The following SCRN3 variants were observed in gnomAD, a reference collection of about 807,000 sequenced individuals.
SCRN3 encodes secernin-3.
SCRN3 carries 39 observed loss-of-function variants against 43.1 expected under a neutral mutation model. The observed-to-expected ratio is 0.91, with a 90% CI of 0.70 to 1.18. The LOEUF is 1.18. SCRN3 is among the 50% of genes most tolerant of loss of function. The pLI is 0.00. For synonymous variants in SCRN3, 147 were observed against 163.1 expected, an observed-to-expected ratio of 0.90 and a Z score of 0.75; for missense variants, 484 against 498.0, an observed-to-expected ratio of 0.97 and a Z score of 0.27.
Position 174,404,613 on chromosome 2 carries a change from C to G in SCRN3, c.754+298C>G, listed in dbSNP as rs1354394478. Among the ~76,000 whole-genome samples, 602 of 109,618 alleles carry G rather than the reference C, an allele frequency of 5.5e-3. 2 individuals are homozygous for G. Among genetic ancestry groups the G allele is most frequent in the Non-Finnish European group, 7.9e-3 (429 of 54,202 alleles). 71.9% of individuals were successfully genotyped at this position (109,618 alleles called of 152,430 possible). On this transcript the variant is annotated intron_variant, in intron 5 of 7. Transcript: ENST00000272732. ...CAATGCTATCCCTCCCCCCTCCCCC[C>G]ACCCCACCACAGTCCCCAGAGTGTG...
chr2:174,428,141 A>G lies in SCRN3; in HGVS notation c.*246A>G, dbSNP rs1686554523. ...GTGTTATTTCAGGTGATGTACTTGC[A>G]TTATTTTCTTTAGCCATAGTAACTT... is the stretch of plus-strand genomic sequence containing the variant. On this transcript the variant is annotated 3_prime_UTR_variant, in exon 8 of 8. Coordinates refer to ENST00000272732, the MANE Select transcript of SCRN3 (RefSeq NM_024583.5). 1 of 264,868 alleles carries G rather than the reference A, an allele frequency of 3.8e-6. No individual in the cohort carries two copies. The allele number at this position is 264,868 out of a possible 1,614,324, so 16.4% of individuals were successfully genotyped here. A position where few individuals can be genotyped will look rare whatever the true frequency, so the allele number is the denominator to read the frequency against.
chr2:174,425,456 C>T (rs1574675221), intron 7 of SCRN3, among the ~76,000 whole-genome samples: 1 of 152,088 alleles, frequency 6.6e-6, no homozygotes, highest in Non-Finnish European at 1.5e-5. Flanking sequence ...GTTTTTCTTG[C>T]CTGTAATTCC....
At chr2:174,424,789 G>C in intron 7 of SCRN3, 140 bp downstream of exon 7, 5 of 589,192 alleles carry the variant, frequency 8.5e-6, no homozygotes, top group Middle Eastern at 9.3e-4. Context: ...GACTATAGTA[G>C]AGCTGTATTA....
chr2:174,423,826 C>T (rs1686386785), intron 6 of SCRN3, among the ~76,000 whole-genome samples: 2 of 144,478 alleles, frequency 1.4e-5, no homozygotes, highest in South Asian at 2.2e-4. Context: ...TGCTCTGTCA[C>T]CCAGGCTAGA....
At chr2:174,404,032 G>C in intron 4 of SCRN3, 71 bp from the exon 5 acceptor site, 1 of 1,176,768 alleles carries the variant, frequency 8.5e-7, no homozygotes, top group Non-Finnish European at 1.2e-6. Context: ...TAGGAATCAT[G>C]ATATACAGAT....
At chr2:174,408,826 C>A (rs1574654452) in intron 5 of SCRN3, among the ~76,000 whole-genome samples, 1 of 119,940 alleles carries the variant, frequency 8.3e-6, no homozygotes, top group East Asian at 2.3e-4. Flanking sequence ...GCCGAGAGAT[C>A]TGCTGTTAGT....
intron 2 of SCRN3, among the ~76,000 whole-genome samples, 178 bp downstream of exon 2, chr2:174,398,620 A>C (rs1469602214): frequency 2.0e-5 from 3 of 152,230 alleles, no homozygotes; most frequent in African/African-American, 4.8e-5. Context: ...AGGACGTTGA[A>C]ATAACAATAA....
At chr2:174,415,980 A>G (rs1240038784) in intron 5 of SCRN3, among the ~76,000 whole-genome samples, 5 of 152,100 alleles carry the variant, frequency 3.3e-5, no homozygotes, top group Non-Finnish European at 5.9e-5. Flanking sequence ...GAAAGCAACT[A>G]CTCTGAGATG....
rs1226478296 is a variant in SCRN3 at position 174,428,051 on chromosome 2, G to A, written c.*156G>A. 15 of 445,204 alleles carry A rather than the reference G, an allele frequency of 3.4e-5. No homozygotes were observed. Among genetic ancestry groups the A allele is most frequent in the East Asian group, 2.8e-4 (8 of 29,040 alleles). The allele number at this position is 445,204 out of a possible 1,614,324, so 27.6% of individuals were successfully genotyped here. On this transcript the variant is annotated 3_prime_UTR_variant, in exon 8 of 8. Coordinates refer to ENST00000272732, the MANE Select transcript of SCRN3 (RefSeq NM_024583.5). ...AGTGGTATCTTGACTATTAAACTACGTATAGTGTTGCTGAAATAGAAAGAA... is the reference window on the plus strand; with the variant it reads ...AGTGGTATCTTGACTATTAAACTACATATAGTGTTGCTGAAATAGAAAGAA...
Position 174,400,030 on chromosome 2 carries a change from A to G in SCRN3, c.268A>G (p.Ile90Val), listed in dbSNP as rs1306689765. 1.2e-6 allele frequency: 2 copies of G among 1,601,846 alleles called. No homozygotes were observed. The highest frequency in any genetic ancestry group is 2.7e-5 in the African/African-American group (2 of 73,770). The change falls in exon 3 of 8, where the codon ATT becomes GTT. Residue 90 changes from isoleucine to valine, a missense_variant. Coordinates refer to ENST00000272732, the MANE Select transcript of SCRN3 (RefSeq NM_024583.5). ...EMGANEHGVCIGNEAVWGREE... is the reference protein window; with the variant it reads ...EMGANEHGVCVGNEAVWGREE... ...GGGAGCCAATGAGCATGGAGTTTGC[A>G]TTGGGAATGAAGCTGTATGGGGAAG...
rs190406429 is a variant in SCRN3, at chr2:174,410,896, C to A, written c.754+6581C>A. Among the ~76,000 whole-genome samples the A allele has an allele frequency of 6.6e-5, 10 of 152,202 alleles. No individual in the cohort carries two copies. In the East Asian group the frequency reaches 1.7e-3, roughly 26 times the overall value. On this transcript the variant is annotated intron_variant, in intron 5 of 7. Transcript: ENST00000272732. Reference sequence around the variant, plus strand: ...AGGTACCAAAAATGAAGAGAGGGCCCACACAATCCTCCTCATCTCTGTGTC... The same window carrying A: ...AGGTACCAAAAATGAAGAGAGGGCCAACACAATCCTCCTCATCTCTGTGTC...
chr2:174,408,171 T>C (rs1685763013), intron 5 of SCRN3, among the ~76,000 whole-genome samples: 1 of 63,246 alleles, frequency 1.6e-5, no homozygotes, highest in African/African-American at 5.4e-5. Context: ...ATATTTAGGA[T>C]AGTTAGCTCT....
intron 5 of SCRN3, among the ~76,000 whole-genome samples, chr2:174,414,983 T>C (rs1288956006): frequency 2.0e-5 from 3 of 152,080 alleles, no homozygotes; most frequent in Non-Finnish European, 4.4e-5. Context: ...GGCTGGTCTC[T>C]AACTTAACTG....
At chr2:174,400,794 T>G (rs1249039406) in intron 3 of SCRN3, among the ~76,000 whole-genome samples, 196 bp from the exon 4 acceptor site, 1 of 152,232 alleles carries the variant, frequency 6.6e-6, no homozygotes, top group Non-Finnish European at 1.5e-5. Flanking sequence ...TTTGATAGGT[T>G]TGTTTGACTC....
At position 174,395,774 on chromosome 2, in the gene SCRN3, T is replaced by C. The variant is rs1027179720; in HGVS notation, c.-53T>C. 3.8e-6 allele frequency: 6 copies of C among 1,571,612 alleles called. No individual in the cohort carries two copies. The African/African-American group carries it at 6.7e-5, about 18-fold the overall frequency. On this transcript the variant is annotated 5_prime_UTR_variant, in exon 1 of 8. Coordinates refer to ENST00000272732, the MANE Select transcript of SCRN3 (RefSeq NM_024583.5). ...GGCAACTGATGCCTCCACTGGCCAC[T>C]CCTCCCTCCGTCCACCTGTCACTTC...
chr2:174,398,398 T>C lies in SCRN3; in HGVS notation c.115T>C (p.Tyr39His), dbSNP rs749066175. 2 of 1,604,282 alleles carry C rather than the reference T, an allele frequency of 1.2e-6. No homozygotes were observed. The highest frequency in any genetic ancestry group is 2.3e-5 in the South Asian group (2 of 87,914). ...RLYDEVQEVV[Y>H]FPAVVHDNLG... ...CTATGATGAAGTACAAGAGGTGGTT[T>C]ATTTTCCTGCTGTAGTTCATGATAA... Residue 39 changes from tyrosine (Y) to histidine (H), a missense_variant, in exon 2 of 8, where the codon TAT becomes CAT. By Grantham distance (83) the Tyr-to-His change is moderately conservative. Transcript: ENST00000272732.
chr2:174,416,653 T>C (rs35588935), intron 5 of SCRN3, among the ~76,000 whole-genome samples: 29,634 of 152,134 alleles, frequency 0.19, 3,377 homozygotes, highest in Middle Eastern at 0.38. Context: ...CACTCCTATC[T>C]ACTTGAAAGT....
chr2:174,426,982 G>A (rs927099965), intron 7 of SCRN3, among the ~76,000 whole-genome samples: 6 of 151,662 alleles, frequency 4.0e-5, no homozygotes, highest in South Asian at 2.1e-4. Flanking sequence ...ACAGGCGTGC[G>A]CCACCACGCC....
chr2:174,400,144 A>G, intron 3 of SCRN3, 41 bp downstream of exon 3: 1 of 1,378,092 alleles, frequency 7.3e-7, no homozygotes. Flanking sequence ...CCTTGTCTAA[A>G]TTTATAATTT....
Sources: allele counts gnomAD v4.1 joint callset (sites outside exome capture counted in the v4.1 genomes callset), GRCh38; gene constraint gnomAD v4.1.1; transcripts MANE v1.5; gene names NCBI Gene and HGNC (gene_info 2026-07-23, HGNC 2026-07-21).